Variants in PEX1 observed in about 807,000 individuals in gnomAD.
PEX1 encodes the protein peroxisomal biogenesis factor 1.
In PEX1, 97 loss-of-function variants were observed where a neutral mutation model predicts 152.5. The observed-to-expected ratio is 0.64, with a 90% CI of 0.54 to 0.75. The LOEUF (loss-of-function observed/expected upper bound fraction) is 0.75. Ranked by LOEUF, PEX1 falls within the 30% of genes least tolerant of loss-of-function variation. The pLI, the probability that PEX1 is intolerant of heterozygous loss-of-function variation, is 0.00. For synonymous variants in PEX1, 485 were observed against 531.6 expected, an observed-to-expected ratio of 0.91 and a Z score of 1.21; for missense variants, 1,357 against 1,516.3, an observed-to-expected ratio of 0.89 and a Z score of 1.74.
intron 20 of PEX1, among the ~76,000 whole-genome samples, chr7:92,491,989 G>A (rs1368800111): frequency 1.3e-5 from 2 of 152,288 alleles, no homozygotes; most frequent in East Asian, 3.9e-4. Flanking sequence ...AACAAATGTG[G>A]TAAAGAAGAG....
intron 5 of PEX1, among the ~76,000 whole-genome samples, chr7:92,515,285 A>G (rs1215334920): frequency 6.6e-6 from 1 of 151,450 alleles, no homozygotes; most frequent in African/African-American, 2.4e-5. Context: ...TTCTGACTTA[A>G]AGAGAATTTA....
intron 8 of PEX1, among the ~76,000 whole-genome samples, chr7:92,510,096 AGTG>A (rs1398903438): frequency 6.7e-6 from 1 of 148,820 alleles, no homozygotes; most frequent in Non-Finnish European, 1.5e-5. Flanking sequence ...GTGAGCCGAG[AGTG>A]TGCCACTGCA....
At chr7:92,521,387 A>C (rs1402491707) in intron 2 of PEX1, among the ~76,000 whole-genome samples, 1 of 152,262 alleles carries the variant, frequency 6.6e-6, no homozygotes, top group Non-Finnish European at 1.5e-5. Flanking sequence ...TAAACTCATA[A>C]GGGAAAACAA....
rs1464185706 is a variant in PEX1 at position 92,517,282 on chromosome 7, T to C, written c.1233A>G (p.Lys411=). Residue 411 remains lysine, a synonymous_variant, in exon 5 of 24, where the codon AAA becomes AAG. Coordinates refer to ENST00000248633, the MANE Select transcript of PEX1 (RefSeq NM_000466.3). The part of the protein sequence containing the change: ...TKNVEVLHLG[K]VWIPDDLRKR... ...TTATAAAATTTATACTAACCCAGAC[T>C]TTCCCAAGATGGAGAACTTCTACAT... 7 of 1,613,324 alleles carry C rather than the reference T, an allele frequency of 4.3e-6. No individual in the cohort carries two copies. The South Asian group carries it at 7.7e-5, about 18-fold the overall frequency.
chr7:92,517,132 G>T, intron 5 of PEX1, 144 bp downstream of exon 5: 1 of 695,308 alleles, frequency 1.4e-6, no homozygotes, highest in Non-Finnish European at 2.5e-6. Context: ...ACTGCAAAGC[G>T]TAAATGTGTC....
intron 17 of PEX1, 61 bp from the exon 18 acceptor site, chr7:92,494,690 C>A: frequency 7.5e-7 from 1 of 1,328,416 alleles, no homozygotes; most frequent in South Asian, 1.2e-5. Flanking sequence ...AAAGTGATTT[C>A]ATATACATAT....
In PEX1 at chr7:92,506,984, A is replaced by T; in HGVS notation, c.1803+10T>A. 6.2e-7 allele frequency: 1 copy of T among 1,613,822 alleles called. No homozygotes were observed. Reference sequence around the variant, plus strand: ...TGTTACAGAAAAATGAACACACCTTAACCACTTACCTTTCCTCCTGTGAGT... The same window carrying T: ...TGTTACAGAAAAATGAACACACCTTTACCACTTACCTTTCCTCCTGTGAGT... On this transcript the variant is annotated intron_variant, in intron 10 of 23. Coordinates refer to ENST00000248633, the MANE Select transcript of PEX1 (RefSeq NM_000466.3).
chr7:92,524,546 C>T (rs1411571309), intron 1 of PEX1, among the ~76,000 whole-genome samples: 1 of 152,134 alleles, frequency 6.6e-6, no homozygotes, highest in Non-Finnish European at 1.5e-5. Context: ...GGATTACAGG[C>T]GTGAGCCACC....
At chr7:92,501,419 A>T (rs1791919057) in intron 15 of PEX1, 88 bp downstream of exon 15, 1 of 1,035,726 alleles carries the variant, frequency 9.7e-7, no homozygotes, top group Non-Finnish European at 1.5e-6. Flanking sequence ...TCACACGGAG[A>T]TTGGGCAAGC....
intron 20 of PEX1, 62 bp downstream of exon 20, chr7:92,492,891 T>G (rs544252650): frequency 3.1e-6 from 4 of 1,300,784 alleles, no homozygotes. Context: ...AGGTGGAAAT[T>G]TTGACATTGT....
At chr7:92,514,444 T>C (rs1157084807) in intron 5 of PEX1, among the ~76,000 whole-genome samples, 2 of 152,242 alleles carry the variant, frequency 1.3e-5, no homozygotes, top group Admixed American at 1.3e-4. Flanking sequence ...TTTAAATGTA[T>C]GTATTTGACT....
At chr7:92,521,616 G>C (rs1793053543) in intron 2 of PEX1, among the ~76,000 whole-genome samples, 1 of 151,880 alleles carries the variant, frequency 6.6e-6, no homozygotes, top group South Asian at 2.1e-4. Flanking sequence ...TGAATTTTTA[G>C]TAGAGAGGGG....
At position 92,487,505 on chromosome 7, in the gene PEX1, ATT is replaced by A; in HGVS notation, c.3802_3803del (p.Asn1268SerfsTer22). 6.3e-7 allele frequency: 1 copy of A among 1,594,680 alleles called. No individual in the cohort carries two copies. Among genetic ancestry groups the A allele is most frequent in the Non-Finnish European group, 8.6e-7 (1 of 1,164,576 alleles). On this transcript the variant is annotated frameshift_variant, in exon 24 of 24. Coordinates refer to ENST00000248633, the MANE Select transcript of PEX1 (RefSeq NM_000466.3). LOFTEE classifies it high-confidence loss of function. ...CAGGTCGAAACATTGTTCCACTTTG[ATT>A]TTTTCTCCTCTTTGGATTTTGAAAG... is the stretch of plus-strand genomic sequence containing the variant. ...ESFQNPKRRK[N>X]QSGTMFRPGQ...
At chr7:92,500,108 A>T (rs1250892850) in intron 15 of PEX1, among the ~76,000 whole-genome samples, 2 of 152,252 alleles carry the variant, frequency 1.3e-5, no homozygotes, top group African/African-American at 4.8e-5. Context: ...TTCCTGTTTT[A>T]TTAAAAGTAC....
intron 17 of PEX1, among the ~76,000 whole-genome samples, chr7:92,495,038 T>C (rs1158306329): frequency 6.6e-6 from 1 of 152,010 alleles, no homozygotes; most frequent in Non-Finnish European, 1.5e-5. Flanking sequence ...TATATTAATA[T>C]ATACTTATTG....
chr7:92,504,830 A>G lies in PEX1; in HGVS notation c.1973T>C (p.Val658Ala). The G allele has an allele frequency of 4.3e-6, 7 of 1,613,994 alleles. No individual in the cohort carries two copies. The highest frequency in any genetic ancestry group is 5.9e-6 in the Non-Finnish European group (7 of 1,179,838). The change falls in exon 12 of 24, where the codon GTT (valine) becomes GCT (alanine). Residue 658 changes from valine (V) to alanine (A), a missense_variant. Coordinates refer to ENST00000248633, the MANE Select transcript of PEX1 (RefSeq NM_000466.3). ...GAGGTCAAGGTCATCCAGCAGGACA[A>G]CAGATGGCTGCATCCACACTGCCTC... ...FSEAVWMQPS[V>A]VLLDDLDLIA...
At chr7:92,511,760 C>T (rs1185705188) in intron 6 of PEX1, 57 bp from the exon 7 acceptor site, 3 of 1,506,604 alleles carry the variant, frequency 2.0e-6, no homozygotes, top group Non-Finnish European at 2.7e-6. Flanking sequence ...AACTTTAACA[C>T]CCTTATTTTA....
At chr7:92,521,333 T>C (rs1276906469) in intron 2 of PEX1, among the ~76,000 whole-genome samples, 2 of 152,174 alleles carry the variant, frequency 1.3e-5, no homozygotes, top group African/African-American at 4.8e-5. Context: ...AAACAAAAGA[T>C]AGACATAGGT....
intron 9 of PEX1, among the ~76,000 whole-genome samples, chr7:92,508,604 G>A (rs1054973165): frequency 9.2e-5 from 14 of 151,408 alleles, no homozygotes; most frequent in African/African-American, 1.5e-4. Context: ...TGACTTTATC[G>A]TTTAATCCTT....
Sources: gnomAD v4.1 joint callset for allele counts (sites outside exome capture counted in the v4.1 genomes callset) on GRCh38, gnomAD v4.1.1 for gene constraint, MANE v1.5 for transcripts, NCBI Gene and HGNC (gene_info 2026-07-23, HGNC 2026-07-21) for gene names.